Variants in THG1L observed in about 807,000 individuals in gnomAD.
THG1L encodes the protein tRNA-histidine guanylyltransferase 1 like.
In THG1L, 27 loss-of-function variants were observed where a neutral mutation model predicts 35.2. The ratio of observed to expected loss-of-function variants is 0.77; its 90% confidence interval spans 0.57 to 1.06. The LOEUF (loss-of-function observed/expected upper bound fraction) is 1.06. Among genes scored for constraint, THG1L ranks in the 50% least tolerant of loss-of-function variants. The probability of loss-of-function intolerance (pLI) is 0.00; values close to 1 mark genes in which losing one functional copy is unlikely to be tolerated. For missense variants in THG1L, 377 were observed against 371.8 expected (o/e 1.01, Z -0.12); for synonymous variants, 135 against 132.4 (o/e 1.02, Z -0.14).
chr5:157,736,530 G>A (rs1197480694), intron 4 of THG1L, among the ~76,000 whole-genome samples: 2 of 152,172 alleles, frequency 1.3e-5, no homozygotes, highest in Non-Finnish European at 2.9e-5. Flanking sequence ...GATTACAGGC[G>A]TGAGCCAGTG....
At chr5:157,735,981 G>A (rs1760861898) in intron 4 of THG1L, 47 bp downstream of exon 4, 2 of 1,281,684 alleles carry the variant, frequency 1.6e-6, no homozygotes, top group African/African-American at 1.5e-5. Flanking sequence ...ACAGTTCGCT[G>A]TAGGCTCTCC....
Sources: allele counts gnomAD v4.1 joint callset (sites outside exome capture counted in the v4.1 genomes callset), GRCh38; gene constraint gnomAD v4.1.1; transcripts MANE v1.5; gene names NCBI Gene and HGNC (gene_info 2026-07-23, HGNC 2026-07-21).